The following VPS13B variants were observed in gnomAD, a reference collection of about 807,000 sequenced individuals.
VPS13B encodes the protein vacuolar protein sorting 13 homolog B.
A neutral mutation model predicts 426.4 loss-of-function variants in VPS13B; 285 were observed. The observed-to-expected ratio is 0.67, with a 90% CI of 0.61 to 0.74. VPS13B has a LOEUF of 0.74. VPS13B is among the 30% of genes least tolerant of loss of function. The probability of loss-of-function intolerance (pLI) is 0.00; values close to 1 mark genes in which losing one functional copy is unlikely to be tolerated. For missense variants in VPS13B, 4,537 were observed against 4,782.6 expected, an observed-to-expected ratio of 0.95 and a Z score of 1.51; for synonymous variants, 1,676 against 1,676.4, an observed-to-expected ratio of 1.00 and a Z score of 0.01.
rs1483750242 is a variant in VPS13B at position 99,103,026 on chromosome 8, T to C, written c.486T>C (p.Tyr162=). The C allele has an allele frequency of 1.2e-6, 2 of 1,613,278 alleles. No individual in the cohort carries two copies. Among genetic ancestry groups the C allele is most frequent in the Non-Finnish European group, 1.7e-6 (2 of 1,179,262 alleles). Residue 162 remains tyrosine, a synonymous_variant, in exon 5 of 62, where the codon TAT becomes TAC. Coordinates refer to ENST00000357162, the MANE Select transcript of VPS13B (RefSeq NM_152564.5). ...NIVINNLILK[Y]VEDDIVLSVN... is the part of the protein sequence containing the mutation. ...TGATAAATAATCTCATACTAAAATA[T>C]GTTGAAGATGATATCGTCCTTTCCG...
At chr8:99,540,721 T>C (rs1467357847) in intron 30 of VPS13B, among the ~76,000 whole-genome samples, 1 of 152,236 alleles carries the variant, frequency 6.6e-6, no homozygotes. Context: ...TCTCAGTTTC[T>C]TTTGTATTTC....
chr8:99,325,388 A>G (rs1810194036), intron 19 of VPS13B, among the ~76,000 whole-genome samples: 1 of 152,192 alleles, frequency 6.6e-6, no homozygotes, highest in South Asian at 2.1e-4. Context: ...TTCTCTATAA[A>G]TTGTCCAGAC....
At position 99,598,508 on chromosome 8, in the gene VPS13B, C is replaced by A. The variant is rs147771008; in HGVS notation, c.5220+20875C>A. 2.0e-3 allele frequency among the ~76,000 whole-genome samples: 299 copies of A among 152,044 alleles called. No individual in the cohort carries two copies. Among genetic ancestry groups the A allele is most frequent in the African/African-American group, 7.0e-3 (289 of 41,460 alleles). On this transcript the variant is annotated intron_variant, in intron 33 of 61. Transcript: ENST00000357162. ...GTAATCATCTTATTAAGTCTACTTA[C>A]AGAGGTAGTGTATGTAAAGACTAAC...
intron 3 of VPS13B, among the ~76,000 whole-genome samples, chr8:99,063,687 G>A (rs549774817): frequency 6.6e-5 from 10 of 152,324 alleles, no homozygotes; most frequent in Non-Finnish European, 2.9e-5. Flanking sequence ...AGACTTAAAC[G>A]TCTCTGTCTG....
intron 23 of VPS13B, among the ~76,000 whole-genome samples, chr8:99,452,419 A>G (rs779504488): frequency 9.9e-5 from 15 of 152,254 alleles, no homozygotes; most frequent in Non-Finnish European, 1.3e-4. Flanking sequence ...TAGGGTGAAA[A>G]GAGCAGGAGC....
intron 34 of VPS13B, among the ~76,000 whole-genome samples, chr8:99,656,629 G>A (rs1405045521): frequency 6.6e-6 from 1 of 152,104 alleles, no homozygotes; most frequent in East Asian, 1.9e-4. Context: ...TAGGAGTCAT[G>A]CCCCTCATTT....
intron 3 of VPS13B, among the ~76,000 whole-genome samples, chr8:99,080,398 T>A (rs1338591028): frequency 1.3e-5 from 2 of 152,204 alleles, no homozygotes; most frequent in East Asian, 3.8e-4. Context: ...TTAATTTATA[T>A]CTTTTAATCA....
intron 33 of VPS13B, among the ~76,000 whole-genome samples, chr8:99,624,693 G>A (rs1402338740): frequency 6.6e-6 from 1 of 151,956 alleles, no homozygotes; most frequent in Non-Finnish European, 1.5e-5. Context: ...TTTTGTTCCA[G>A]TGAAAACCTT....
chr8:99,484,809 C>T (rs920099180), intron 25 of VPS13B, among the ~76,000 whole-genome samples: 2 of 148,102 alleles, frequency 1.4e-5, no homozygotes, highest in Non-Finnish European at 3.0e-5. Flanking sequence ...ATCATCATAT[C>T]ATAACCATCT....
chr8:99,110,805 TA>T lies in VPS13B; in HGVS notation c.581-285del, dbSNP rs1034196671. The stretch of plus-strand genomic sequence containing the variant: ...GAACTGTAGTGAAATTTTTCATAAT[TA>T]AAAAAAATTTGTAGTTAATGTGCCA... On this transcript the variant is annotated intron_variant, in intron 5 of 61. Transcript: ENST00000357162. Among the ~76,000 whole-genome samples, 6 of 151,810 alleles carry T rather than the reference TA, an allele frequency of 4.0e-5. No individual in the cohort carries two copies. In the South Asian group the frequency reaches 8.3e-4, roughly 21 times the overall value.
At chr8:99,496,748 C>T (rs1820907667) in intron 25 of VPS13B, among the ~76,000 whole-genome samples, 2 of 152,064 alleles carry the variant, frequency 1.3e-5, no homozygotes, top group African/African-American at 4.8e-5. Context: ...CACATCCTTC[C>T]CTTACAGGAT....
intron 39 of VPS13B, among the ~76,000 whole-genome samples, chr8:99,721,693 C>T (rs1007817269): frequency 6.6e-6 from 1 of 152,146 alleles, no homozygotes; most frequent in Non-Finnish European, 1.5e-5. Flanking sequence ...CCAGATCATA[C>T]AACCATCCAC....
At position 99,014,509 on chromosome 8, in the gene VPS13B, T is replaced by C. The variant is rs985706216; in HGVS notation, c.147+574T>C. ...TTTGACAGAAAGACGATTTCATTGT[T>C]CATGTCAGAATTGTTCGGTCTACTT... On this transcript the variant is annotated intron_variant, in intron 2 of 61. Coordinates refer to ENST00000357162, the MANE Select transcript of VPS13B (RefSeq NM_152564.5). 3.9e-5 allele frequency among the ~76,000 whole-genome samples: 6 copies of C among 152,220 alleles called. No homozygotes were observed. The East Asian group carries it at 7.7e-4, about 20-fold the overall frequency.
At chr8:99,400,167 T>G (rs975585205) in intron 21 of VPS13B, among the ~76,000 whole-genome samples, 2 of 152,234 alleles carry the variant, frequency 1.3e-5, no homozygotes, top group Non-Finnish European at 2.9e-5. Context: ...CTTCTACTTC[T>G]GTACCCTATT....
chr8:99,621,470 A>C (rs995258172), intron 33 of VPS13B, among the ~76,000 whole-genome samples: 1 of 151,954 alleles, frequency 6.6e-6, no homozygotes, highest in Non-Finnish European at 1.5e-5. Context: ...CTCTGTTTTG[A>C]CCCTAGCACT....
chr8:99,248,778 TA>T, intron 17 of VPS13B, among the ~76,000 whole-genome samples: 1 of 152,198 alleles, frequency 6.6e-6, no homozygotes, highest in South Asian at 2.1e-4. Flanking sequence ...GTTTTCTTTC[TA>T]AATCTGTCAT....
intron 44 of VPS13B, among the ~76,000 whole-genome samples, chr8:99,813,297 T>C (rs1034998624): frequency 6.6e-6 from 1 of 152,196 alleles, no homozygotes; most frequent in Admixed American, 6.5e-5. Context: ...AGGATCTTTG[T>C]CTTTAAACAA....
At chr8:99,746,522 G>A (rs930363829) in intron 39 of VPS13B, among the ~76,000 whole-genome samples, 1 of 152,172 alleles carries the variant, frequency 6.6e-6, no homozygotes, top group African/African-American at 2.4e-5. Flanking sequence ...CTGTGCGCCA[G>A]AAATTCTGCT....
Position 99,839,744 on chromosome 8 carries a change from C to T in VPS13B, c.9942+4006C>T, listed in dbSNP as rs189396650. ...AGGTTAGAAGAGATTTTCTGATCTC[C>T]GCATTCACCTAATGCAAGAATCCCT... On this transcript the variant is annotated intron_variant, in intron 54 of 61. Transcript: ENST00000357162. 6.4e-4 allele frequency among the ~76,000 whole-genome samples: 98 copies of T among 152,280 alleles called. 2 individuals are homozygous for T. The highest frequency in any genetic ancestry group is 2.3e-3 in the African/African-American group (94 of 41,552).
Sources: allele counts gnomAD v4.1 joint callset (sites outside exome capture counted in the v4.1 genomes callset), GRCh38; gene constraint gnomAD v4.1.1; transcripts MANE v1.5; gene names NCBI Gene and HGNC (gene_info 2026-07-23, HGNC 2026-07-21).